The following ORC3 variants were observed in gnomAD, a reference collection of about 807,000 sequenced individuals.
ORC3 encodes the protein homolog of latheo, Drosophila.
In ORC3, 78 loss-of-function variants were observed where a neutral mutation model predicts 100.7. The observed-to-expected ratio is 0.77, with a 90% CI of 0.65 to 0.94. The LOEUF (loss-of-function observed/expected upper bound fraction) is 0.94. Among genes scored for constraint, ORC3 ranks in the 40% least tolerant of loss-of-function variants. The probability of loss-of-function intolerance (pLI) is 0.00; values close to 1 mark genes in which losing one functional copy is unlikely to be tolerated. For missense variants in ORC3, 789 were observed against 823.9 expected (o/e 0.96, Z 0.52); for synonymous variants, 295 against 289.3 (o/e 1.02, Z -0.20).
chr6:87,664,078 T>G (rs1253106064), intron 17 of ORC3, among the ~76,000 whole-genome samples: 2 of 152,148 alleles, frequency 1.3e-5, no homozygotes, highest in East Asian at 3.9e-4. Context: ...AATTAAAACT[T>G]ACAAAATCTG....
chr6:87,612,951 G>A lies in ORC3; in HGVS notation c.873+703G>A, dbSNP rs1778889812. Among the ~76,000 whole-genome samples the A allele has an allele frequency of 2.0e-5, 3 of 152,184 alleles. No individual in the cohort carries two copies. In the East Asian group the frequency reaches 5.8e-4, roughly 29 times the overall value. ...ATAAAATGATTTGAAGTTTTTAGTG[G>A]ACTGTTTCCTAACTGATTTGTCATG... On this transcript the variant is annotated intron_variant, in intron 8 of 19. Coordinates refer to ENST00000392844, the MANE Select transcript of ORC3 (RefSeq NM_012381.4).
At chr6:87,652,625 G>T (rs539368192) in intron 13 of ORC3, among the ~76,000 whole-genome samples, 1 of 152,294 alleles carries the variant, frequency 6.6e-6, no homozygotes, top group Admixed American at 6.5e-5. Context: ...CATTTAGCAC[G>T]TCATATCTTC....
intron 14 of ORC3, among the ~76,000 whole-genome samples, chr6:87,655,669 T>TTA (rs1769628836): frequency 6.6e-6 from 1 of 150,600 alleles, no homozygotes; most frequent in Non-Finnish European, 1.5e-5. Context: ...TATTATTATT[T>TTA]TTTTTTTTTT....
At chr6:87,590,243 T>TC in intron 1 of ORC3, 51 bp downstream of exon 1, 1 of 1,586,806 alleles carries the variant, frequency 6.3e-7, no homozygotes, top group Non-Finnish European at 8.7e-7. Context: ...TCATTCCCCT[T>TC]TGAAGAAGGG....
At position 87,653,155 on chromosome 6, in the gene ORC3, A is replaced by G. The variant is rs1173718843; in HGVS notation, c.1422A>G (p.Lys474=). Residue 474 remains lysine, a synonymous_variant, in exon 14 of 20, where the codon AAA becomes AAG. Coordinates refer to ENST00000392844, the MANE Select transcript of ORC3 (RefSeq NM_012381.4). ...AKDELMTILE[K]CFKVFKSYCE... Reference sequence around the variant, plus strand: ...ATGAACTGATGACCATACTTGAGAAATGTTTCAAGGTTTTTAAGTCTTATT... The same window carrying G: ...ATGAACTGATGACCATACTTGAGAAGTGTTTCAAGGTTTTTAAGTCTTATT... 6 of 1,613,522 alleles carry G rather than the reference A, an allele frequency of 3.7e-6. No individual in the cohort carries two copies. Among genetic ancestry groups the G allele is most frequent in the Non-Finnish European group, 5.1e-6 (6 of 1,179,610 alleles).
chr6:87,594,549 T>G, intron 2 of ORC3, 142 bp downstream of exon 2: 1 of 1,341,616 alleles, frequency 7.5e-7, no homozygotes, highest in Non-Finnish European at 9.6e-7. Flanking sequence ...AAGGCATTGG[T>G]CAAAGAGATA....
At chr6:87,622,842 A>G (rs1779630912) in intron 11 of ORC3, among the ~76,000 whole-genome samples, 1 of 152,206 alleles carries the variant, frequency 6.6e-6, no homozygotes, top group South Asian at 2.1e-4. Flanking sequence ...AGTACTGAAG[A>G]GTGACATAGT....
rs1429845144 is a variant in ORC3 at position 87,599,377 on chromosome 6, A to AT, written c.80-2404dup. ...TTATTATTTATTTATTTATTTATTTATTTATTTTGAGGCAAGGTTTTGCTC... is the reference window on the plus strand; with the variant it reads ...TTATTATTTATTTATTTATTTATTTATTTTATTTTGAGGCAAGGTTTTGCTC... On this transcript the variant is annotated intron_variant, in intron 2 of 19. Transcript: ENST00000392844. Among the ~76,000 whole-genome samples, 16 of 148,720 alleles carry AT rather than the reference A, an allele frequency of 1.1e-4. 1 individual carries two copies. The South Asian group carries it at 3.4e-3, about 32-fold the overall frequency.
At chr6:87,636,510 T>C (rs748103886) in intron 13 of ORC3, 24 bp downstream of exon 13, 1 of 1,496,092 alleles carries the variant, frequency 6.7e-7, no homozygotes, top group South Asian at 1.1e-5. Flanking sequence ...TTCTTGTTTT[T>C]CTATTTTTGT....
chr6:87,665,084 C>T (rs1360651242), intron 18 of ORC3, among the ~76,000 whole-genome samples: 2 of 152,200 alleles, frequency 1.3e-5, no homozygotes, highest in Non-Finnish European at 2.9e-5. Flanking sequence ...AATTCCTTAA[C>T]CAAGCCAATT....
the ORC3 span, among the ~76,000 whole-genome samples, chr6:87,673,191 C>T: frequency 7.7e-6 from 1 of 130,656 alleles, no homozygotes. Context: ...GACAGAGTCT[C>T]ACTCTGTCAC....
At chr6:87,652,055 C>A (rs535341541) in intron 13 of ORC3, among the ~76,000 whole-genome samples, 108 of 152,140 alleles carry the variant, frequency 7.1e-4, no homozygotes, top group African/African-American at 2.5e-3. Context: ...CCCACCACTA[C>A]ACCCGGCTAA....
intron 2 of ORC3, among the ~76,000 whole-genome samples, chr6:87,596,200 C>G (rs1777426400): frequency 6.7e-6 from 1 of 149,254 alleles, no homozygotes; most frequent in Non-Finnish European, 1.5e-5. Flanking sequence ...TCAGCATGAT[C>G]TCAGCTCACT....
chr6:87,594,257 T>A, intron 1 of ORC3, 96 bp from the exon 2 acceptor site: 1 of 789,810 alleles, frequency 1.3e-6, no homozygotes. Flanking sequence ...TAACATCTTT[T>A]TTTAAAAAAG....
At position 87,650,113 on chromosome 6, in the gene ORC3, A is replaced by G. The variant is rs143655745; in HGVS notation, c.1383-3003A>G. Among the ~76,000 whole-genome samples, 943 of 147,578 alleles carry G rather than the reference A, an allele frequency of 6.4e-3. 26 individuals carry two copies. The highest frequency in any genetic ancestry group is 0.048 in the Admixed American group (695 of 14,568). ...TCTCTGTTACCCATGCTGGAGTGCA[A>G]TGGCATGATCACGGCTCACTGCAGC... On this transcript the variant is annotated intron_variant, in intron 13 of 19. Transcript: ENST00000392844.
rs373654508 is a variant in ORC3, at chr6:87,636,492, T to C, written c.1382+6T>C. The C allele has an allele frequency of 6.2e-7, 1 of 1,603,888 alleles. No individual in the cohort carries two copies. The highest frequency in any genetic ancestry group is 2.2e-5 in the East Asian group (1 of 44,834). ...TCAGTCTTGCAGCTGCTGAGGTAGT[T>C]TTGTTTTTTCTTGTTTTTCTATTTT... On this transcript the variant is annotated splice_donor_region_variant and intron_variant, in intron 13 of 19. Coordinates refer to ENST00000392844, the MANE Select transcript of ORC3 (RefSeq NM_012381.4).
At chr6:87,643,177 GCCTAGC>G (rs1196741856) in intron 13 of ORC3, among the ~76,000 whole-genome samples, 5 of 152,048 alleles carry the variant, frequency 3.3e-5, no homozygotes, top group Admixed American at 6.5e-5. Context: ...CTGAGATATG[GCCTAGC>G]GAGGTGGCTC....
intron 11 of ORC3, among the ~76,000 whole-genome samples, chr6:87,623,826 G>T (rs1300158623): frequency 6.6e-6 from 1 of 152,118 alleles, no homozygotes; most frequent in African/African-American, 2.4e-5. Context: ...GGAGGCTGTG[G>T]TAAGCCGAGA....
intron 8 of ORC3, among the ~76,000 whole-genome samples, chr6:87,612,660 G>A (rs1377694633): frequency 6.6e-6 from 1 of 152,156 alleles, no homozygotes; most frequent in Non-Finnish European, 1.5e-5. Context: ...CATCCAGGCT[G>A]GAGTGCAGTG....
Sources: allele counts gnomAD v4.1 joint callset (sites outside exome capture counted in the v4.1 genomes callset), GRCh38; gene constraint gnomAD v4.1.1; transcripts MANE v1.5; gene names NCBI Gene and HGNC (gene_info 2026-07-23, HGNC 2026-07-21).